The following PEAK1 variants were observed in gnomAD, a reference collection of about 807,000 sequenced individuals.
PEAK1 encodes the protein inactive tyrosine-protein kinase PEAK1.
A neutral mutation model predicts 124.7 loss-of-function variants in PEAK1; 54 were observed. The ratio of observed to expected loss-of-function variants is 0.43; its 90% confidence interval spans 0.35 to 0.54. The LOEUF (loss-of-function observed/expected upper bound fraction) is 0.54, where lower values mean the gene tolerates loss of function less well. Ranked by LOEUF, PEAK1 falls within the 20% of genes least tolerant of loss-of-function variation. The pLI is 0.01. For missense variants in PEAK1, 2,046 were observed against 2,134.5 expected, an observed-to-expected ratio of 0.96 and a Z score of 0.82; for synonymous variants, 719 against 760.0, an observed-to-expected ratio of 0.95 and a Z score of 0.89.
At chr15:77,184,691 G>GT (rs1166045723) in intron 6 of PEAK1, among the ~76,000 whole-genome samples, 7 of 152,338 alleles carry the variant, frequency 4.6e-5, no homozygotes, top group African/African-American at 1.7e-4. Flanking sequence ...GAGGCCAGGA[G>GT]TTTGAGACTA....
intron 6 of PEAK1, among the ~76,000 whole-genome samples, chr15:77,185,742 T>A (rs2057513391): frequency 6.6e-6 from 1 of 152,170 alleles, no homozygotes; most frequent in Non-Finnish European, 1.5e-5. Flanking sequence ...AGGATTTCCT[T>A]ATTTTAAGAT....
At position 77,283,956 on chromosome 15, in the gene PEAK1, T is replaced by C; in HGVS notation, c.-348A>G. The C allele has an allele frequency of 1.0e-6, 1 of 983,124 alleles. No individual in the cohort carries two copies. The highest frequency in any genetic ancestry group is 1.2e-6 in the Non-Finnish European group (1 of 827,858). The allele number at this position is 983,124 out of a possible 1,614,324, so 60.9% of individuals were successfully genotyped here. A position where few individuals can be genotyped will look rare whatever the true frequency, so the allele number is the denominator to read the frequency against. ...TTAGAAAATGTTTGTTTCTCCTTCT[T>C]GGATTTTTTCATAAATCATTGAATT... On this transcript the variant is annotated 5_prime_UTR_variant, in exon 5 of 10. Transcript: ENST00000682557.
intron 1 of PEAK1, among the ~76,000 whole-genome samples, chr15:77,400,570 C>T (rs962531246): frequency 6.6e-6 from 1 of 152,076 alleles, no homozygotes; most frequent in Non-Finnish European, 1.5e-5. Flanking sequence ...GAAGGACAAA[C>T]TTTGCATGCT....
intron 1 of PEAK1, among the ~76,000 whole-genome samples, chr15:77,394,520 GACC>G (rs1322285939): frequency 6.6e-6 from 1 of 152,206 alleles, no homozygotes; most frequent in African/African-American, 2.4e-5. Flanking sequence ...TCTTATCCAA[GACC>G]ACCAAGGCAG....
At chr15:77,137,080 G>A (rs1179254013) in intron 8 of PEAK1, among the ~76,000 whole-genome samples, 1 of 152,266 alleles carries the variant, frequency 6.6e-6, no homozygotes, top group Non-Finnish European at 1.5e-5. Context: ...CTTCCATGTG[G>A]CGTTGAGCCT....
intron 6 of PEAK1, among the ~76,000 whole-genome samples, chr15:77,203,976 A>G (rs2058501056): frequency 6.6e-6 from 1 of 152,222 alleles, no homozygotes; most frequent in Non-Finnish European, 1.5e-5. Flanking sequence ...AAATGAGAAC[A>G]CAAGCCACAT....
chr15:77,179,499 G>A lies in PEAK1; in HGVS notation c.2428C>T (p.Pro810Ser). ...TTGGGCCGGACTGGCGTACTCTTAG[G>A]TGTGCTCTTAGCAACATCAGCATCT... ...PPDADVAKST[P>S]KSTPVRPKSL... The change falls in exon 7 of 10, where the codon CCT becomes TCT. Residue 810 changes from proline (P) to serine (S), a missense_variant. Coordinates refer to ENST00000682557, the MANE Select transcript of PEAK1 (RefSeq NM_001385026.1). The A allele has an allele frequency of 6.2e-7, 1 of 1,614,048 alleles. No individual in the cohort carries two copies. The highest frequency in any genetic ancestry group is 1.3e-5 in the African/African-American group (1 of 75,028).
chr15:77,140,726 TTTTC>T (rs776303642), intron 8 of PEAK1, among the ~76,000 whole-genome samples: 103 of 152,118 alleles, frequency 6.8e-4, no homozygotes, highest in Non-Finnish European at 1.1e-3. Context: ...TTTTTTTTCT[TTTTC>T]TTTGTGTCTT....
At chr15:77,228,543 A>G (rs1263556795) in intron 6 of PEAK1, among the ~76,000 whole-genome samples, 1 of 152,110 alleles carries the variant, frequency 6.6e-6, no homozygotes, top group African/African-American at 2.4e-5. Flanking sequence ...AAAGAGAGAG[A>G]ACAACTGGAT....
At chr15:77,253,412 T>C (rs1567170770) in intron 5 of PEAK1, among the ~76,000 whole-genome samples, 1 of 152,204 alleles carries the variant, frequency 6.6e-6, no homozygotes. Flanking sequence ...AAGTCAGCTT[T>C]CTTTTAAAGA....
chr15:77,174,085 G>A (rs1245257453), intron 7 of PEAK1, among the ~76,000 whole-genome samples: 4 of 152,140 alleles, frequency 2.6e-5, no homozygotes, highest in African/African-American at 7.2e-5. Flanking sequence ...ACCCAAGCCC[G>A]TTATTTCAGG....
rs191179845 is a variant in PEAK1 at position 77,399,301 on chromosome 15, G to A, written c.-666+20705C>T. Reference sequence around the variant, plus strand: ...CAATATACCAATGACATTCTTCATAGAAATAGAAAAAAACAATTCTAAAAT... The same window carrying A: ...CAATATACCAATGACATTCTTCATAAAAATAGAAAAAAACAATTCTAAAAT... On this transcript the variant is annotated intron_variant, in intron 1 of 9. Coordinates refer to ENST00000682557, the MANE Select transcript of PEAK1 (RefSeq NM_001385026.1). Among the ~76,000 whole-genome samples, 653 of 151,978 alleles carry A rather than the reference G, an allele frequency of 4.3e-3. 3 individuals carry two copies. The highest frequency in any genetic ancestry group is 6.8e-3 in the Middle Eastern group (2 of 294).
At chr15:77,208,327 T>A (rs1190492381) in intron 6 of PEAK1, among the ~76,000 whole-genome samples, 1 of 152,180 alleles carries the variant, frequency 6.6e-6, no homozygotes, top group Non-Finnish European at 1.5e-5. Context: ...CATTACAAAG[T>A]CCCACTCAAC....
At chr15:77,244,075 C>A (rs1341517148) in intron 6 of PEAK1, among the ~76,000 whole-genome samples, 1 of 152,056 alleles carries the variant, frequency 6.6e-6, no homozygotes, top group African/African-American at 2.4e-5. Flanking sequence ...GATGAAGACT[C>A]CTTTATGAAA....
intron 2 of PEAK1, among the ~76,000 whole-genome samples, chr15:77,364,771 G>A (rs1454693365): frequency 6.6e-6 from 1 of 152,110 alleles, no homozygotes; most frequent in Non-Finnish European, 1.5e-5. Context: ...AGAGTAGAGT[G>A]GTAGAAAGCT....
At chr15:77,201,787 T>G (rs2058375728) in intron 6 of PEAK1, among the ~76,000 whole-genome samples, 1 of 152,156 alleles carries the variant, frequency 6.6e-6, no homozygotes, top group African/African-American at 2.4e-5. Context: ...TGTTTTTATG[T>G]TAATATATTC....
At chr15:77,332,238 A>G in intron 2 of PEAK1, 1 of 984,746 alleles carries the variant, frequency 1.0e-6, no homozygotes, top group Non-Finnish European at 1.2e-6. Flanking sequence ...GACAAAACAC[A>G]AAAAGTTGAT....
At chr15:77,263,105 T>C (rs1426403046) in intron 5 of PEAK1, among the ~76,000 whole-genome samples, 4 of 151,990 alleles carry the variant, frequency 2.6e-5, no homozygotes, top group Admixed American at 6.5e-5. Context: ...TTCAAAGCAG[T>C]GCGTAGAGGG....
In PEAK1 at chr15:77,282,314, T is replaced by C. The variant is rs147519689; in HGVS notation, c.-275+1569A>G. On this transcript the variant is annotated intron_variant, in intron 5 of 9. Coordinates refer to ENST00000682557, the MANE Select transcript of PEAK1 (RefSeq NM_001385026.1). Reference sequence around the variant, plus strand: ...ATCCTGGCACAGAAAGCAGACTACATAGAAATAAATCTACATTAAAACTAA... The same window carrying C: ...ATCCTGGCACAGAAAGCAGACTACACAGAAATAAATCTACATTAAAACTAA... 4.6e-5 allele frequency among the ~76,000 whole-genome samples: 7 copies of C among 152,244 alleles called. No homozygotes were observed. In the East Asian group the frequency reaches 1.2e-3, roughly 25 times the overall value.
Sources: gnomAD v4.1 joint callset for allele counts (sites outside exome capture counted in the v4.1 genomes callset) on GRCh38, gnomAD v4.1.1 for gene constraint, MANE v1.5 for transcripts, NCBI Gene and HGNC (gene_info 2026-07-23, HGNC 2026-07-21) for gene names.